F10: variants seen among roughly 807,000 people sequenced by gnomAD.
The protein encoded by F10 is coagulation factor X, also known as Stuart-Prower factor.
Under a neutral mutation model 37.1 loss-of-function variants are expected in F10, and 29 were observed. The ratio of observed to expected loss-of-function variants is 0.78; its 90% CI spans 0.58 to 1.07. The LOEUF (loss-of-function observed/expected upper bound fraction) is 1.07. Ranked by LOEUF, F10 falls within the 50% of genes least tolerant of loss-of-function variation. F10 has a pLI of 0.00. For missense variants in F10, 539 were observed against 667.9 expected (o/e 0.81, Z 2.13); for synonymous variants, 262 against 268.6 (o/e 0.98, Z 0.24).
chr13:113,133,594 T>C (rs2036453325), intron 2 of F10, among the ~76,000 whole-genome samples: 1 of 152,128 alleles, frequency 6.6e-6, no homozygotes, highest in African/African-American at 2.4e-5. Context: ...CTGGTAGAAT[T>C]TTACCAAACA....
intron 6 of F10, among the ~76,000 whole-genome samples, chr13:113,147,138 C>A (rs2036589739): frequency 6.6e-6 from 1 of 152,102 alleles, no homozygotes; most frequent in African/African-American, 2.4e-5. Context: ...GTGCATGAGA[C>A]TTTAGAGAGC....
intron 6 of F10, 127 bp from the exon 7 acceptor site, chr13:113,147,252 G>T: frequency 1.4e-6 from 1 of 721,614 alleles, no homozygotes. Context: ...TGGGTGGATG[G>T]CAGGAGACCG....
In F10 at chr13:113,139,714, C is replaced by T. The variant is rs1025773066; in HGVS notation, c.370+244C>T. ...AGACACAGTCACTTCTCTGCTCCTC[C>T]GAGAGAGACTGTAGAACATTGATGA... is the stretch of plus-strand genomic sequence containing the variant. On this transcript the variant is annotated intron_variant, in intron 4 of 7. Coordinates refer to ENST00000375559, the MANE Select transcript of F10 (RefSeq NM_000504.4). This position sits in a 1 kb window ranked among gnomAD's most constrained non-coding sequence, Gnocchi z 5.2. Among the ~76,000 whole-genome samples the T allele has an allele frequency of 1.3e-5, 2 of 152,080 alleles. No individual in the cohort carries two copies. The highest frequency in any genetic ancestry group is 2.1e-4 in the South Asian group (1 of 4,776).
Position 113,149,313 on chromosome 13 carries a change from C to A in F10, c.1263C>A (p.Gly421=), listed in dbSNP as rs548078463. 4 of 1,613,124 alleles carry A rather than the reference C, an allele frequency of 2.5e-6. No individual in the cohort carries two copies. Among genetic ancestry groups the A allele is most frequent in the Non-Finnish European group, 3.4e-6 (4 of 1,180,028 alleles). ...QEDACQGDSG[G]PHVTRFKDTY... ...ATGCCTGCCAGGGGGACAGCGGGGG[C>A]CCGCACGTCACCCGCTTCAAGGACA... The change falls in exon 8 of 8, where the codon GGC becomes GGA. Residue 421 remains glycine, a synonymous_variant. Coordinates refer to ENST00000375559, the MANE Select transcript of F10 (RefSeq NM_000504.4). The surrounding 1 kb of genome is among the most constrained non-coding windows in gnomAD (Gnocchi z 7.5).
intron 6 of F10, among the ~76,000 whole-genome samples, chr13:113,145,879 T>C (rs2036578326): frequency 6.6e-6 from 1 of 152,180 alleles, no homozygotes; most frequent in Non-Finnish European, 1.5e-5. Flanking sequence ...ACGGGAAATA[T>C]GGGAGCTACA....
In F10 at chr13:113,141,798, G is replaced by A. The variant is rs940370481; in HGVS notation, c.502+748G>A. ...CCCCACTCCCACTCATAGCTGGCCC[G>A]ACCCGCAGCGTTGGCCTCACCCGGG... On this transcript the variant is annotated intron_variant, in intron 5 of 7. Transcript: ENST00000375559. This position sits in a 1 kb window ranked among gnomAD's most constrained non-coding sequence, Gnocchi z 5.4. 1.1e-4 allele frequency among the ~76,000 whole-genome samples: 16 copies of A among 152,270 alleles called. No homozygotes were observed. The highest frequency in any genetic ancestry group is 6.5e-4 in the Admixed American group (10 of 15,286).
intron 3 of F10, 107 bp downstream of exon 3, chr13:113,138,588 C>T (rs1280571757): frequency 5.2e-6 from 4 of 767,822 alleles, no homozygotes; most frequent in Non-Finnish European, 6.8e-6. Flanking sequence ...TCATTTTACT[C>T]ATTTAAGACT....
chr13:113,137,385 G>A (rs1015698115), intron 2 of F10, among the ~76,000 whole-genome samples: 1 of 151,974 alleles, frequency 6.6e-6, no homozygotes, highest in African/African-American at 2.4e-5. Context: ...ATTTGGGGGG[G>A]AAGGATGGAC....
At chr13:113,148,346 ATAT>A (rs1433274237) in intron 7 of F10, among the ~76,000 whole-genome samples, 1 of 75,980 alleles carries the variant, frequency 1.3e-5, no homozygotes, top group African/African-American at 5.8e-5. Context: ...AAAAAAAAAA[ATAT>A]ATATATATAT....
rs2036522739 is a variant in F10 at position 113,141,017 on chromosome 13, C to G, written c.469C>G (p.Leu157Val). The change falls in exon 5 of 8, where the codon CTG becomes GTG. Residue 157 changes from leucine to valine, a missense_variant. Coordinates refer to ENST00000375559, the MANE Select transcript of F10 (RefSeq NM_000504.4). This position sits in a 1 kb window ranked among gnomAD's most constrained non-coding sequence, Gnocchi z 5.4. ...GTGCTCCTGCGCCCGCGGGTACACC[C>G]TGGCTGACAACGGCAAGGCCTGCAT... ...VVCSCARGYT[L>V]ADNGKACIPT... 1 of 1,613,924 alleles carries G rather than the reference C, an allele frequency of 6.2e-7. No homozygotes were observed. The highest frequency in any genetic ancestry group is 1.3e-5 in the African/African-American group (1 of 74,932).
Position 113,146,442 on chromosome 13 carries a change from C to T in F10, c.748-937C>T, listed in dbSNP as rs1179306098. ...CCTGGGCTGGGGGACCAGGGTGGGG[C>T]GCCCTGGAGGGCTCACTGGAGGGGC... On this transcript the variant is annotated intron_variant, in intron 6 of 7. Transcript: ENST00000375559. This position sits in a 1 kb window ranked among gnomAD's most constrained non-coding sequence, Gnocchi z 4.5. Among the ~76,000 whole-genome samples the T allele has an allele frequency of 2.0e-5, 3 of 152,068 alleles. No individual in the cohort carries two copies. The highest frequency in any genetic ancestry group is 1.3e-4 in the Admixed American group (2 of 15,276).
In F10 at chr13:113,127,402, T is replaced by A. The variant is rs149299841; in HGVS notation, c.71-2050T>A. Among the ~76,000 whole-genome samples, 664 of 152,154 alleles carry A rather than the reference T, an allele frequency of 4.4e-3. 6 individuals carry two copies. The highest frequency in any genetic ancestry group is 0.015 in the African/African-American group (633 of 41,504). ...GTTGGAAGAGTTATCTTTATTGTAG[T>A]GAGACATTGAATTTTTCAGTGGAAA... On this transcript the variant is annotated intron_variant, in intron 1 of 7. Coordinates refer to ENST00000375559, the MANE Select transcript of F10 (RefSeq NM_000504.4).
chr13:113,128,330 C>T (rs2036390040), intron 1 of F10: 1 of 152,084 alleles, frequency 6.6e-6, no homozygotes, highest in Admixed American at 6.6e-5. Context: ...TACACTGGTT[C>T]GTTCCAGAAA....
At chr13:113,147,824 C>A (rs1017731506) in intron 7 of F10, among the ~76,000 whole-genome samples, 8 of 152,052 alleles carry the variant, frequency 5.3e-5, no homozygotes, top group African/African-American at 1.4e-4. Context: ...TTATTGGGAG[C>A]CTTCCAGACC....
rs371427116 is a variant in F10, at chr13:113,144,854, C to T, written c.747+759C>T. On this transcript the variant is annotated intron_variant, in intron 6 of 7. Transcript: ENST00000375559. The surrounding 1 kb of genome is among the most constrained non-coding windows in gnomAD (Gnocchi z 6.4). ...TCAGACTCCCAAGTAGCTGGAATTA[C>T]GGGCGCCCGCTACTTACGCCTGGCT... 4.0e-4 allele frequency among the ~76,000 whole-genome samples: 60 copies of T among 151,784 alleles called. No individual in the cohort carries two copies. Among genetic ancestry groups the T allele is most frequent in the African/African-American group, 8.0e-4 (33 of 41,330 alleles).
intron 7 of F10, among the ~76,000 whole-genome samples, chr13:113,148,345 A>AAATATATATATATATATATATATAT (rs1300922846): frequency 1.0e-5 from 1 of 95,436 alleles, no homozygotes; most frequent in Admixed American, 1.4e-4. Context: ...AAAAAAAAAA[A>AAATATATATATATATATATATATAT]ATATATATAT....
chr13:113,135,133 C>G (rs1230039872), intron 2 of F10, among the ~76,000 whole-genome samples: 1 of 151,918 alleles, frequency 6.6e-6, no homozygotes, highest in East Asian at 1.9e-4. Flanking sequence ...ATCCCAGCTA[C>G]TCGGGAGGCT....
At position 113,141,170 on chromosome 13, in the gene F10, C is replaced by T. The variant is rs1362401357; in HGVS notation, c.502+120C>T. On this transcript the variant is annotated intron_variant, in intron 5 of 7. Coordinates refer to ENST00000375559, the MANE Select transcript of F10 (RefSeq NM_000504.4). The surrounding 1 kb of genome is among the most constrained non-coding windows in gnomAD (Gnocchi z 5.4). ...GGGCGGGCCTGGCAGGTAACAGTGA[C>T]ACCAAGAGGACAGGACTGAGCCCTG... 2.6e-5 allele frequency: 37 copies of T among 1,418,804 alleles called. No individual in the cohort carries two copies. The highest frequency in any genetic ancestry group is 1.3e-4 in the South Asian group (11 of 82,526). The allele number at this position is 1,418,804 out of a possible 1,614,324, so 87.9% of individuals were successfully genotyped here.
At chr13:113,147,148 C>T (rs2036589833) in intron 6 of F10, among the ~76,000 whole-genome samples, 1 of 152,146 alleles carries the variant, frequency 6.6e-6, no homozygotes. Context: ...CTTTAGAGAG[C>T]TCTGTGATGG....
Sources: allele counts gnomAD v4.1 joint callset (sites outside exome capture counted in the v4.1 genomes callset), GRCh38; gene constraint gnomAD v4.1.1; non-coding constraint Gnocchi (gnomAD v3.1); transcripts MANE v1.5; gene names NCBI Gene and HGNC (gene_info 2026-07-23, HGNC 2026-07-21).